MARCHF1: variants seen among roughly 807,000 people sequenced by gnomAD.
MARCHF1 encodes E3 ubiquitin-protein ligase MARCHF1.
Under a neutral mutation model 54.2 loss-of-function variants are expected in MARCHF1, and 40 were observed. The observed-to-expected ratio is 0.74, with a 90% CI of 0.57 to 0.96. The LOEUF (loss-of-function observed/expected upper bound fraction) is 0.96, where lower values mean the gene tolerates loss of function less well. Among genes scored for constraint, MARCHF1 ranks in the 40% least tolerant of loss-of-function variants. The probability of loss-of-function intolerance (pLI) is 0.00; values close to 1 mark genes in which losing one functional copy is unlikely to be tolerated. For missense variants in MARCHF1, 586 were observed against 656.5 expected, an observed-to-expected ratio of 0.89 and a Z score of 1.17; for synonymous variants, 236 against 236.3, an observed-to-expected ratio of 1.00 and a Z score of 0.01.
intron 3 of MARCHF1, among the ~76,000 whole-genome samples, chr4:163,880,241 G>A (rs1750386548): frequency 6.6e-6 from 1 of 150,976 alleles, no homozygotes; most frequent in African/African-American, 2.4e-5. Flanking sequence ...ACCAGATATA[G>A]AATTAAAAAT....
intron 4 of MARCHF1, among the ~76,000 whole-genome samples, chr4:163,810,431 A>G (rs1445447961): frequency 6.6e-6 from 1 of 152,188 alleles, no homozygotes; most frequent in Non-Finnish European, 1.5e-5. Context: ...ACTTCTATCT[A>G]AAAATAATCA....
At chr4:164,362,685 T>C (rs1730756382) in intron 1 of MARCHF1, among the ~76,000 whole-genome samples, 1 of 152,082 alleles carries the variant, frequency 6.6e-6, no homozygotes, top group Non-Finnish European at 1.5e-5. Flanking sequence ...GCAAAGAAAA[T>C]AACAGATACA....
intron 3 of MARCHF1, among the ~76,000 whole-genome samples, chr4:163,935,292 C>T (rs900731834): frequency 6.6e-6 from 1 of 152,152 alleles, no homozygotes; most frequent in Non-Finnish European, 1.5e-5. Context: ...TGAAGTCGGG[C>T]ATTGACTTAT....
chr4:163,952,483 G>T (rs1241899921), intron 3 of MARCHF1, among the ~76,000 whole-genome samples: 5 of 152,124 alleles, frequency 3.3e-5, no homozygotes, highest in Non-Finnish European at 7.4e-5. Flanking sequence ...TAAAATATGA[G>T]ACTGGGTCAT....
intron 4 of MARCHF1, among the ~76,000 whole-genome samples, chr4:163,740,253 C>A (rs1746157306): frequency 6.6e-6 from 1 of 152,164 alleles, no homozygotes. Context: ...AGGACACATG[C>A]TATTCACCAT....
At chr4:164,312,319 C>CTT (rs34613860) in intron 1 of MARCHF1, among the ~76,000 whole-genome samples, 3,892 of 103,328 alleles carry the variant, frequency 0.038, 219 homozygotes, top group African/African-American at 0.089. Flanking sequence ...TTTTCTTTTT[C>CTT]TTTTTTTTTT....
intron 2 of MARCHF1, among the ~76,000 whole-genome samples, chr4:164,050,262 G>A (rs1344573502): frequency 4.7e-5 from 5 of 106,554 alleles, no homozygotes; most frequent in Non-Finnish European, 6.8e-5. Context: ...GCGACGGAGC[G>A]AGACACTGTC....
rs1738206565 is a variant in MARCHF1 at position 163,528,262 on chromosome 4, G to A, written c.*486C>T. On this transcript the variant is annotated 3_prime_UTR_variant, in exon 10 of 10. Coordinates refer to ENST00000514618, the MANE Select transcript of MARCHF1 (RefSeq NM_001394959.1). Reference sequence around the variant, plus strand: ...GCATATCAAAATATGCATCCTCCAAGTTCACTTCCAATGTGACTTAGGGAT... The same window carrying A: ...GCATATCAAAATATGCATCCTCCAAATTCACTTCCAATGTGACTTAGGGAT... 6.5e-6 allele frequency: 1 copy of A among 153,970 alleles called. No homozygotes were observed. Among genetic ancestry groups the A allele is most frequent in the African/African-American group, 2.4e-5 (1 of 41,534 alleles). The allele number at this position is 153,970 out of a possible 1,614,324, so 9.5% of individuals were successfully genotyped here.
chr4:164,366,743 T>G (rs540170600), intron 1 of MARCHF1, among the ~76,000 whole-genome samples: 1 of 152,048 alleles, frequency 6.6e-6, no homozygotes, highest in African/African-American at 2.4e-5. Flanking sequence ...GCATATTAAA[T>G]TTTTATTTTA....
intron 1 of MARCHF1, among the ~76,000 whole-genome samples, chr4:164,311,285 A>G (rs571255250): frequency 3.9e-4 from 59 of 152,028 alleles, no homozygotes; most frequent in African/African-American, 1.2e-3. Flanking sequence ...TAATACTGGG[A>G]AAAAAAAGGA....
At chr4:163,899,316 G>T (rs911382367) in intron 3 of MARCHF1, among the ~76,000 whole-genome samples, 2 of 152,026 alleles carry the variant, frequency 1.3e-5, no homozygotes, top group African/African-American at 4.8e-5. Context: ...CACTAATGAT[G>T]CCGGATTGTT....
intron 4 of MARCHF1, among the ~76,000 whole-genome samples, chr4:163,836,562 A>G (rs1749192005): frequency 2.2e-5 from 1 of 45,606 alleles, no homozygotes; most frequent in African/African-American, 7.0e-5. Context: ...TTTTTGATAC[A>G]CGTTTACTCT....
intron 1 of MARCHF1, among the ~76,000 whole-genome samples, chr4:164,163,063 C>T (rs552558234): frequency 6.6e-6 from 1 of 152,060 alleles, no homozygotes; most frequent in African/African-American, 2.4e-5. Flanking sequence ...AAATTAAGAA[C>T]ATTTCAGAAA....
At chr4:163,646,892 C>G (rs917177354) in intron 5 of MARCHF1, among the ~76,000 whole-genome samples, 2 of 151,980 alleles carry the variant, frequency 1.3e-5, no homozygotes, top group Non-Finnish European at 2.9e-5. Context: ...ACTAAAATGG[C>G]AGTAGTAAGT....
intron 7 of MARCHF1, among the ~76,000 whole-genome samples, chr4:163,595,596 T>C (rs1740742443): frequency 6.6e-6 from 1 of 152,162 alleles, no homozygotes; most frequent in South Asian, 2.1e-4. Flanking sequence ...TGCTACAGGA[T>C]TGGCTGTTCA....
Position 163,779,870 on chromosome 4 carries a change from C to A in MARCHF1, c.111+74151G>T, listed in dbSNP as rs547376695. 1.8e-4 allele frequency among the ~76,000 whole-genome samples: 28 copies of A among 152,064 alleles called. 1 individual carries two copies. Among genetic ancestry groups the A allele is most frequent in the Admixed American group, 1.6e-3 (25 of 15,264 alleles). ...ACATAGATCCATCCCCTGGGCAAAA[C>A]CTCTGATTGAGAGGCAATTAATATT... On this transcript the variant is annotated intron_variant, in intron 4 of 9. Transcript: ENST00000514618.
intron 1 of MARCHF1, among the ~76,000 whole-genome samples, chr4:164,220,948 C>T (rs572694107): frequency 5.3e-5 from 8 of 151,610 alleles, no homozygotes; most frequent in South Asian, 2.1e-4. Context: ...AGCAAAAATG[C>T]CTCAAATCAT....
intron 1 of MARCHF1, among the ~76,000 whole-genome samples, chr4:164,169,765 G>A (rs1213982062): frequency 6.6e-6 from 1 of 152,000 alleles, no homozygotes; most frequent in African/African-American, 2.4e-5. Context: ...GTGGACACTG[G>A]TGCCACATTG....
chr4:164,139,639 G>A (rs1374152346), intron 1 of MARCHF1, among the ~76,000 whole-genome samples: 3 of 152,124 alleles, frequency 2.0e-5, no homozygotes, highest in South Asian at 4.1e-4. Flanking sequence ...GATATTAGAG[G>A]AGGAGCTGCT....
Sources: gnomAD v4.1 joint callset for allele counts (sites outside exome capture counted in the v4.1 genomes callset) on GRCh38, gnomAD v4.1.1 for gene constraint, MANE v1.5 for transcripts, NCBI Gene and HGNC (gene_info 2026-07-23, HGNC 2026-07-21) for gene names.